The following HDAC8 variants were observed in gnomAD, a reference collection of about 807,000 sequenced individuals.
HDAC8 encodes the protein histone deacetylase-like 1.
In HDAC8, 1 loss-of-function variant was observed where a neutral mutation model predicts 32.2. The observed-to-expected ratio is 0.03, with a 90% confidence interval of 0.01 to 0.15. The LOEUF is 0.15. Among genes scored for constraint, HDAC8 ranks in the 10% least tolerant of loss-of-function variants. The pLI is 1.00. For missense variants in HDAC8, 117 were observed against 300.0 expected (o/e 0.39, Z 4.51); for synonymous variants, 108 against 113.9 (o/e 0.95, Z 0.33).
chrX:72,474,437 C>T (rs2048272246), intron 7 of HDAC8: 1 of 972,565 alleles, frequency 1.0e-6, no homozygotes, highest in Non-Finnish European at 1.3e-6. Context: ...GGGAAAGTTT[C>T]CCTAACCACT....
chrX:72,551,016 C>T (rs1337877674), intron 4 of HDAC8, among the ~76,000 whole-genome samples: 1 of 108,469 alleles, frequency 9.2e-6, no homozygotes, highest in Non-Finnish European at 1.9e-5. Flanking sequence ...CAATTCAATG[C>T]AAATCTGTCA....
chrX:72,473,114 G>A (rs2048232680), intron 7 of HDAC8, among the ~76,000 whole-genome samples: 1 of 112,246 alleles, frequency 8.9e-6, no homozygotes, highest in African/African-American at 3.2e-5. Context: ...TCCCTCCATT[G>A]TCTTTAGAGA....
At chrX:72,351,650 A>T in intron 10 of HDAC8, 83 bp downstream of exon 10, 1 of 621,518 alleles carries the variant, frequency 1.6e-6, no homozygotes, top group Non-Finnish European at 2.6e-6. Context: ...CAAAAGGCAA[A>T]TGGTATTTAA....
chrX:72,338,662 A>AAT (rs1277742282), intron 10 of HDAC8, among the ~76,000 whole-genome samples: 1 of 78,849 alleles, frequency 1.3e-5, no homozygotes, highest in Non-Finnish European at 2.5e-5. Flanking sequence ...TATATTTATA[A>AAT]ATATATATAA....
chrX:72,543,049 T>C (rs782617269), intron 4 of HDAC8, among the ~76,000 whole-genome samples: 2 of 111,953 alleles, frequency 1.8e-5, no homozygotes, highest in Admixed American at 9.5e-5. Context: ...AAAGTGATAG[T>C]GCTGGGATTC....
At chrX:72,446,399 A>G (rs1373080928) in intron 9 of HDAC8, among the ~76,000 whole-genome samples, 1 of 110,915 alleles carries the variant, frequency 9.0e-6, no homozygotes, top group Non-Finnish European at 1.9e-5. Flanking sequence ...CATGGATGAA[A>G]TTGGAAATCA....
chrX:72,367,873 G>T (rs1355759384), intron 9 of HDAC8, among the ~76,000 whole-genome samples: 4 of 112,889 alleles, frequency 3.5e-5, no homozygotes, highest in East Asian at 2.8e-4. Flanking sequence ...GGAGAAAAAG[G>T]CTTCCTTTTG....
intron 4 of HDAC8, among the ~76,000 whole-genome samples, chrX:72,499,528 A>C (rs916230300): frequency 8.9e-6 from 1 of 111,830 alleles, no homozygotes. Flanking sequence ...ACTAAACAAC[A>C]TGCTCCTGAA....
intron 9 of HDAC8, among the ~76,000 whole-genome samples, chrX:72,358,360 C>G (rs2044436954): frequency 8.9e-6 from 1 of 111,828 alleles, no homozygotes; most frequent in Non-Finnish European, 1.9e-5. Context: ...ATCCGAACTG[C>G]CTGCATCACT....
chrX:72,468,584 C>T (rs1194491185), intron 7 of HDAC8, among the ~76,000 whole-genome samples: 1 of 111,896 alleles, frequency 8.9e-6, no homozygotes, highest in Non-Finnish European at 1.9e-5. Context: ...TCTTATCTTT[C>T]ACCTCCCTTG....
chrX:72,332,320 T>C (rs1227747573), intron 10 of HDAC8, among the ~76,000 whole-genome samples: 1 of 112,606 alleles, frequency 8.9e-6, no homozygotes, highest in Non-Finnish European at 1.9e-5. Flanking sequence ...CTGGGAGGTA[T>C]GGTAGTAGCA....
In HDAC8 at chrX:72,540,881, C is replaced by T. The variant is rs147040753; in HGVS notation, c.437+27008G>A. 4.2e-4 allele frequency among the ~76,000 whole-genome samples: 47 copies of T among 111,631 alleles called. No individual in the cohort carries two copies. In the East Asian group the frequency reaches 0.012, roughly 28 times the overall value. On this transcript the variant is annotated intron_variant, in intron 4 of 10. Coordinates refer to ENST00000373573, the MANE Select transcript of HDAC8 (RefSeq NM_018486.3). ...ATTAACATTTCCTATTCATCTCTGT[C>T]CTGCCCATCTACTGCAACTTTCACG...
chrX:72,365,837 A>T (rs1185068817), intron 9 of HDAC8, among the ~76,000 whole-genome samples: 1 of 111,756 alleles, frequency 8.9e-6, no homozygotes, highest in Non-Finnish European at 1.9e-5. Context: ...AGTAGGATTT[A>T]TCTCTGATAT....
chrX:72,418,801 A>AT (rs2046413037), intron 9 of HDAC8, among the ~76,000 whole-genome samples: 1 of 111,058 alleles, frequency 9.0e-6, no homozygotes, highest in Non-Finnish European at 1.9e-5. Flanking sequence ...TTGTCAGTTA[A>AT]TTTTTTTGTA....
At chrX:72,505,503 C>T (rs1482038551) in intron 4 of HDAC8, among the ~76,000 whole-genome samples, 1 of 111,694 alleles carries the variant, frequency 9.0e-6, no homozygotes, top group African/African-American at 3.3e-5. Context: ...CAAACTTTAT[C>T]TTGTCTGGTG....
intron 7 of HDAC8, among the ~76,000 whole-genome samples, chrX:72,486,936 G>A (rs782277854): frequency 9.9e-5 from 11 of 110,971 alleles, no homozygotes; most frequent in Admixed American, 3.8e-4. Context: ...GGAAAGCAAA[G>A]AAAAAAAATT....
intron 4 of HDAC8, among the ~76,000 whole-genome samples, chrX:72,546,942 C>T (rs1339305374): frequency 2.7e-5 from 3 of 111,519 alleles, no homozygotes; most frequent in African/African-American, 3.3e-5. Flanking sequence ...TCCCCTTCAG[C>T]TCCTAAATGT....
intron 8 of HDAC8, among the ~76,000 whole-genome samples, chrX:72,463,706 T>A (rs1407286491): frequency 2.7e-5 from 3 of 112,262 alleles, no homozygotes; most frequent in Non-Finnish European, 5.6e-5. Flanking sequence ...AGGACAAGGC[T>A]TGTGTACTTG....
At chrX:72,535,090 T>C (rs2050479948) in intron 4 of HDAC8, among the ~76,000 whole-genome samples, 2 of 112,013 alleles carry the variant, frequency 1.8e-5, no homozygotes, top group African/African-American at 6.5e-5. Flanking sequence ...CTTAGCAAGT[T>C]TCATTCTTAC....
Sources: allele counts gnomAD v4.1 joint callset (sites outside exome capture counted in the v4.1 genomes callset), GRCh38; gene constraint gnomAD v4.1.1; transcripts MANE v1.5; gene names NCBI Gene and HGNC (gene_info 2026-07-23, HGNC 2026-07-21).